Variants in CACNA2D1 observed in about 807,000 individuals in gnomAD.
CACNA2D1 encodes the protein voltage-dependent calcium channel subunit alpha-2/delta-1.
In CACNA2D1, 53 loss-of-function variants were observed where a neutral mutation model predicts 171.5. The ratio of observed to expected loss-of-function variants is 0.31; its 90% CI spans 0.25 to 0.39. CACNA2D1 has a LOEUF of 0.39. Among genes scored for constraint, CACNA2D1 ranks in the 10% least tolerant of loss-of-function variants. The probability of loss-of-function intolerance (pLI) is 1.00; values close to 1 mark genes in which losing one functional copy is unlikely to be tolerated. For missense variants in CACNA2D1, 903 were observed against 1,299.8 expected (o/e 0.69, Z 4.69); for synonymous variants, 442 against 443.1 (o/e 1.00, Z 0.03).
intron 2 of CACNA2D1, among the ~76,000 whole-genome samples, chr7:82,348,586 T>A (rs1819511202): frequency 6.6e-6 from 1 of 152,218 alleles, no homozygotes; most frequent in Admixed American, 6.5e-5. Flanking sequence ...TTCAACACTC[T>A]CTACAGTTGT....
At chr7:82,104,786 CGATTT>C (rs1563054622) in intron 6 of CACNA2D1, among the ~76,000 whole-genome samples, 1 of 151,856 alleles carries the variant, frequency 6.6e-6, no homozygotes, top group African/African-American at 2.4e-5. Flanking sequence ...CAGTACGATA[CGATTT>C]AAGAATACAT....
At chr7:82,391,330 A>C (rs1483196741) in intron 1 of CACNA2D1, among the ~76,000 whole-genome samples, 4 of 152,198 alleles carry the variant, frequency 2.6e-5, no homozygotes, top group African/African-American at 9.7e-5. Context: ...GAAATTCCTC[A>C]TAATTTCTAA....
At chr7:82,230,010 T>C (rs1449189272) in intron 3 of CACNA2D1, among the ~76,000 whole-genome samples, 1 of 152,248 alleles carries the variant, frequency 6.6e-6, no homozygotes, top group Non-Finnish European at 1.5e-5. Flanking sequence ...TCTATTCATG[T>C]AATTTAACTG....
chr7:82,312,373 T>G (rs1814574272), intron 3 of CACNA2D1, among the ~76,000 whole-genome samples: 1 of 152,162 alleles, frequency 6.6e-6, no homozygotes, highest in Non-Finnish European at 1.5e-5. Context: ...CACTAGAAAT[T>G]AAAATTGTGC....
intron 12 of CACNA2D1, among the ~76,000 whole-genome samples, chr7:82,027,381 A>T (rs1802065742): frequency 6.6e-6 from 1 of 151,716 alleles, no homozygotes; most frequent in Non-Finnish European, 1.5e-5. Flanking sequence ...TGCATATGAA[A>T]TGTGGGACAG....
At chr7:81,960,927 A>G (rs556076100) in intron 36 of CACNA2D1, among the ~76,000 whole-genome samples, 7 of 151,938 alleles carry the variant, frequency 4.6e-5, no homozygotes, top group African/African-American at 1.4e-4. Context: ...TCCTCTTTAT[A>G]TACTCTACCT....
intron 15 of CACNA2D1, among the ~76,000 whole-genome samples, chr7:82,009,735 A>T (rs1799542900): frequency 6.6e-6 from 1 of 152,060 alleles, no homozygotes; most frequent in Non-Finnish European, 1.5e-5. Context: ...TTTGGGCCCA[A>T]CTTGAATTTT....
At chr7:82,118,413 A>G (rs1160952221) in intron 5 of CACNA2D1, among the ~76,000 whole-genome samples, 1 of 152,192 alleles carries the variant, frequency 6.6e-6, no homozygotes, top group Admixed American at 6.5e-5. Context: ...GTAAAAGTGA[A>G]AAGAGAAAAA....
chr7:82,137,598 G>A (rs1200658802), intron 4 of CACNA2D1, among the ~76,000 whole-genome samples: 3 of 151,568 alleles, frequency 2.0e-5, no homozygotes, highest in East Asian at 3.9e-4. Context: ...TTAGGCTGAC[G>A]CGGTGGCTCA....
chr7:82,094,028 A>G (rs1305954707), intron 6 of CACNA2D1, among the ~76,000 whole-genome samples: 1 of 152,186 alleles, frequency 6.6e-6, no homozygotes, highest in Admixed American at 6.5e-5. Context: ...TTGAAGAAGG[A>G]TAACAAGGCT....
intron 20 of CACNA2D1, among the ~76,000 whole-genome samples, chr7:81,994,339 T>G (rs1189034319): frequency 6.6e-6 from 1 of 152,076 alleles, no homozygotes; most frequent in Non-Finnish European, 1.5e-5. Context: ...GTCACAGGAT[T>G]TAATTTCAGA....
intron 2 of CACNA2D1, among the ~76,000 whole-genome samples, chr7:82,347,843 T>G (rs553127812): frequency 6.7e-6 from 1 of 149,540 alleles, no homozygotes; most frequent in Non-Finnish European, 1.5e-5. Context: ...GTTAATTCAG[T>G]CATTGATTAA....
At chr7:82,110,600 C>T (rs1175919324) in intron 6 of CACNA2D1, among the ~76,000 whole-genome samples, 2 of 152,198 alleles carry the variant, frequency 1.3e-5, no homozygotes, top group South Asian at 2.1e-4. Flanking sequence ...GCTGCTACCC[C>T]TGCTCCCCGT....
At chr7:81,960,621 G>A (rs1046875627) in intron 36 of CACNA2D1, among the ~76,000 whole-genome samples, 3 of 151,864 alleles carry the variant, frequency 2.0e-5, no homozygotes, top group African/African-American at 7.3e-5. Flanking sequence ...TTTTCTTTTT[G>A]CCCTGTTAAG....
chr7:82,080,279 A>T (rs1809589538), intron 7 of CACNA2D1, among the ~76,000 whole-genome samples: 2 of 151,972 alleles, frequency 1.3e-5, no homozygotes, highest in African/African-American at 4.8e-5. Context: ...TGTGAATCAG[A>T]AGGTTCTAGT....
intron 1 of CACNA2D1, among the ~76,000 whole-genome samples, chr7:82,355,170 T>C (rs1820281404): frequency 6.6e-6 from 1 of 151,976 alleles, no homozygotes; most frequent in African/African-American, 2.4e-5. Context: ...AAGAACAAAA[T>C]CCTAAAATCA....
At chr7:82,287,562 G>A (rs964911000) in intron 3 of CACNA2D1, among the ~76,000 whole-genome samples, 2 of 152,074 alleles carry the variant, frequency 1.3e-5, no homozygotes, top group Non-Finnish European at 2.9e-5. Context: ...GAAAGGAAAT[G>A]AATATCAAAT....
At chr7:82,139,378 A>G (rs1267591585) in intron 4 of CACNA2D1, among the ~76,000 whole-genome samples, 2 of 152,196 alleles carry the variant, frequency 1.3e-5, no homozygotes, top group Non-Finnish European at 2.9e-5. Context: ...GTTAAGAGCT[A>G]TGCATGAAAC....
At chr7:82,387,002 A>G (rs2129450094) in intron 1 of CACNA2D1, among the ~76,000 whole-genome samples, 1 of 152,154 alleles carries the variant, frequency 6.6e-6, no homozygotes, top group Middle Eastern at 3.4e-3. Context: ...TATAGTATAA[A>G]GTGGTGGCAA....
Sources: allele counts gnomAD v4.1 joint callset (sites outside exome capture counted in the v4.1 genomes callset), GRCh38; gene constraint gnomAD v4.1.1; transcripts MANE v1.5; gene names NCBI Gene and HGNC (gene_info 2026-07-23, HGNC 2026-07-21).